ZNF862: variants seen among roughly 807,000 people sequenced by gnomAD.
ZNF862 encodes zinc finger protein 862.
In ZNF862, 64 loss-of-function variants were observed where a neutral mutation model predicts 91.1. The ratio of observed to expected loss-of-function variants is 0.70; its 90% CI spans 0.57 to 0.87. The LOEUF is 0.87. ZNF862 is among the 40% of genes least tolerant of loss of function. The pLI is 0.00. For missense variants in ZNF862, 1,459 were observed against 1,528.0 expected, an observed-to-expected ratio of 0.95 and a Z score of 0.75; for synonymous variants, 631 against 618.1, an observed-to-expected ratio of 1.02 and a Z score of -0.31.
chr7:149,847,332 G>A (rs1046372479), intron 3 of ZNF862, among the ~76,000 whole-genome samples: 2 of 152,138 alleles, frequency 1.3e-5, no homozygotes, highest in Non-Finnish European at 1.5e-5. Flanking sequence ...CTGGAGTTGC[G>A]GTGTGTGGCT....
At chr7:149,859,558 A>C (rs902134480) in intron 6 of ZNF862, 32 bp downstream of exon 6, 4 of 1,514,562 alleles carry the variant, frequency 2.6e-6, no homozygotes, top group Non-Finnish European at 3.6e-6. Context: ...TCTGAAGGAC[A>C]TGTGCCAGGG....
At chr7:149,840,844 A>T (rs1015479992) in intron 1 of ZNF862, 7 of 627,970 alleles carry the variant, frequency 1.1e-5, no homozygotes, top group Non-Finnish European at 1.4e-5. Context: ...ACACTCTGTG[A>T]TGTTCCACAA....
chr7:149,847,865 A>G lies in ZNF862; in HGVS notation c.372A>G (p.Gly124=). Residue 124 remains glycine (G), a synonymous_variant, in exon 4 of 8, where the codon GGA becomes GGG. Transcript: ENST00000223210. ...HLSTGSGHIE[G]DWAGRNRKLL... Reference sequence around the variant, plus strand: ...GTACAGGCAGTGGACACATCGAGGGAGACTGGGCCGGAAGAAACAGGAAAC... The same window carrying G: ...GTACAGGCAGTGGACACATCGAGGGGGACTGGGCCGGAAGAAACAGGAAAC... 1.2e-6 allele frequency: 2 copies of G among 1,612,716 alleles called. No individual in the cohort carries two copies. The highest frequency in any genetic ancestry group is 1.7e-6 in the Non-Finnish European group (2 of 1,179,328).
intron 5 of ZNF862, among the ~76,000 whole-genome samples, chr7:149,854,104 C>T (rs1802172361): frequency 6.6e-6 from 1 of 152,190 alleles, no homozygotes; most frequent in African/African-American, 2.4e-5. Flanking sequence ...GCAGGACGCG[C>T]TTATAAAACA....
At chr7:149,856,706 G>C (rs1385466090) in intron 5 of ZNF862, among the ~76,000 whole-genome samples, 1 of 152,096 alleles carries the variant, frequency 6.6e-6, no homozygotes, top group Non-Finnish European at 1.5e-5. Flanking sequence ...TTAGGCCTGC[G>C]GCACACCTGT....
At position 149,838,472 on chromosome 7, in the gene ZNF862, GA is replaced by G. The variant is rs1474719428; in HGVS notation, c.-138del. On this transcript the variant is annotated 5_prime_UTR_variant, in exon 1 of 8. Transcript: ENST00000223210. ...CTACCGCCCCCCGACGTGAGAGAGCGAAGTTCTTGGGCCGCGCTCCCTCCCT... is the reference window on the plus strand; with the variant it reads ...CTACCGCCCCCCGACGTGAGAGAGCGAGTTCTTGGGCCGCGCTCCCTCCCT... The G allele has an allele frequency of 2.0e-6, 1 of 494,800 alleles. No homozygotes were observed. The highest frequency in any genetic ancestry group is 3.2e-6 in the Non-Finnish European group (1 of 314,550). 30.7% of individuals were successfully genotyped at this position (494,800 alleles called of 1,614,324 possible). A position where few individuals can be genotyped will look rare whatever the true frequency, so the allele number is the denominator to read the frequency against.
At chr7:149,859,275 C>T (rs960974573) in intron 5 of ZNF862, 147 bp from the exon 6 acceptor site, 23 of 749,190 alleles carry the variant, frequency 3.1e-5, no homozygotes, top group African/African-American at 1.9e-4. Context: ...TCTGGGTTTG[C>T]GCTCAGCCTG....
In ZNF862 at chr7:149,862,219, C is replaced by T; in HGVS notation, c.3059C>T (p.Pro1020Leu). ...GCCCTGGCCCAGCACTGCCGCTTCC[C>T]CCTGCTAAGCAAGCTCATGGCCGTG... is the stretch of plus-strand genomic sequence containing the variant. ...KNALAQHCRFPLLSKLMAVVV... is the reference protein window; with the variant it reads ...KNALAQHCRFLLLSKLMAVVV... Residue 1020 changes from proline (P) to leucine (L), a missense_variant, in exon 7 of 8, where the codon CCC becomes CTC. Transcript: ENST00000223210. 6.2e-7 allele frequency: 1 copy of T among 1,613,752 alleles called. No individual in the cohort carries two copies. The highest frequency in any genetic ancestry group is 8.5e-7 in the Non-Finnish European group (1 of 1,179,880).
rs749312469 is a variant in ZNF862 at position 149,860,453 on chromosome 7, A to C, written c.1293A>C (p.Pro431=). The C allele has an allele frequency of 1.9e-6, 3 of 1,613,978 alleles. No individual in the cohort carries two copies. The South Asian group carries it at 3.3e-5, about 18-fold the overall frequency. Residue 431 remains proline, a synonymous_variant, in exon 7 of 8, where the codon CCA becomes CCC. Transcript: ENST00000223210. ...CGGCTGCAGACTCCGCGTTGCTTCCAGGCTCTCCCGTGGAGGCCCGTGCCT... is the reference window on the plus strand; with the variant it reads ...CGGCTGCAGACTCCGCGTTGCTTCCCGGCTCTCCCGTGGAGGCCCGTGCCT... ...QASAADSALL[P]GSPVEARASC... is the part of the protein sequence containing the mutation.
At chr7:149,849,459 G>A (rs934241857) in intron 4 of ZNF862, among the ~76,000 whole-genome samples, 21 of 152,218 alleles carry the variant, frequency 1.4e-4, no homozygotes, top group African/African-American at 4.6e-4. Flanking sequence ...TTCATTGGAA[G>A]CTTCCCCATT....
intron 4 of ZNF862, 127 bp downstream of exon 4, chr7:149,848,559 C>T: frequency 6.9e-6 from 5 of 729,440 alleles, no homozygotes; most frequent in South Asian, 2.4e-5. Flanking sequence ...ATAATGTTGG[C>T]ATATACCAAC....
intron 6 of ZNF862, 107 bp downstream of exon 6, chr7:149,859,633 G>T (rs374726887): frequency 2.2e-6 from 2 of 925,404 alleles, no homozygotes; most frequent in African/African-American, 1.7e-5. Context: ...GGGGCCGATT[G>T]GGCACCAAGC....
intron 5 of ZNF862, chr7:149,852,004 C>G (rs1802081615): frequency 1.3e-5 from 2 of 152,076 alleles, no homozygotes. Context: ...TTAATTGGAT[C>G]TCTGGTTATC....
At position 149,847,787 on chromosome 7, in the gene ZNF862, G is replaced by A. The variant is rs1330865535; in HGVS notation, c.294G>A (p.Arg98=). 3 of 1,613,862 alleles carry A rather than the reference G, an allele frequency of 1.9e-6. No individual in the cohort carries two copies. Among genetic ancestry groups the A allele is most frequent in the Non-Finnish European group, 2.5e-6 (3 of 1,179,830 alleles). The change falls in exon 4 of 8, where the codon AGG becomes AGA. Residue 98 remains arginine (R), a synonymous_variant. Coordinates refer to ENST00000223210, the MANE Select transcript of ZNF862 (RefSeq NM_001099220.3). ...MGEMEVQGPT[R]ESGQSLPPQK... ...AAATGGAGGTGCAAGGTCCCACCAG[G>A]GAGAGTGGACAGTCCCTCCCGCCTC...
Position 149,864,514 on chromosome 7 carries a change from T to G in ZNF862, c.*230T>G. 1 of 510,438 alleles carries G rather than the reference T, an allele frequency of 2.0e-6. No homozygotes were observed. The highest frequency in any genetic ancestry group is 3.2e-5 in the South Asian group (1 of 30,830). The allele number at this position is 510,438 out of a possible 1,614,324, so 31.6% of individuals were successfully genotyped here. ...CACAGCACACAAATGTGCCAGAAGGTTCTATATCTCAAGTTCATTTTTAAG... is the reference window on the plus strand; with the variant it reads ...CACAGCACACAAATGTGCCAGAAGGGTCTATATCTCAAGTTCATTTTTAAG... On this transcript the variant is annotated 3_prime_UTR_variant, in exon 8 of 8. Transcript: ENST00000223210.
chr7:149,853,204 C>T (rs1802128451), intron 5 of ZNF862, among the ~76,000 whole-genome samples: 1 of 152,052 alleles, frequency 6.6e-6, no homozygotes, highest in Admixed American at 6.5e-5. Context: ...ATTACAGGCA[C>T]ACGCACTGCA....
chr7:149,853,915 G>A (rs1802161981), intron 5 of ZNF862, among the ~76,000 whole-genome samples: 1 of 149,224 alleles, frequency 6.7e-6, no homozygotes, highest in Non-Finnish European at 1.5e-5. Context: ...TCCAGCCTGG[G>A]CGACAGAGCC....
Position 149,861,963 on chromosome 7 carries a change from A to G in ZNF862, c.2803A>G (p.Arg935Gly). The stretch of plus-strand genomic sequence containing the variant: ...GACGGGGATTGAGTACCTCCAGCAG[A>G]GGTTTGACGCAGACCGACCCCCACA... ...VLTGIEYLQQ[R>G]FDADRPPQLK... Residue 935 changes from arginine to glycine, a missense_variant, in exon 7 of 8, where the codon AGG becomes GGG. By Grantham distance (125) the Arg-to-Gly change is moderately radical. Transcript: ENST00000223210. This position sits in a 1 kb window ranked among gnomAD's most constrained non-coding sequence, Gnocchi z 6.7. 1 of 1,613,688 alleles carries G rather than the reference A, an allele frequency of 6.2e-7. No individual in the cohort carries two copies. Among genetic ancestry groups the G allele is most frequent in the Non-Finnish European group, 8.5e-7 (1 of 1,179,882 alleles).
intron 1 of ZNF862, among the ~76,000 whole-genome samples, chr7:149,840,015 C>T (rs1176031942): frequency 2.0e-5 from 3 of 151,878 alleles, no homozygotes; most frequent in Middle Eastern, 3.2e-3. Context: ...GAAATACGGT[C>T]ATGCGCTGTA....
Sources: gnomAD v4.1 joint callset for allele counts (sites outside exome capture counted in the v4.1 genomes callset) on GRCh38, gnomAD v4.1.1 for gene constraint, Gnocchi (gnomAD v3.1) non-coding constraint, MANE v1.5 for transcripts, NCBI Gene and HGNC (gene_info 2026-07-23, HGNC 2026-07-21) for gene names.